Variants in GRID2 observed in about 807,000 individuals in gnomAD.
GRID2 encodes glutamate receptor ionotropic, delta-2.
A neutral mutation model predicts 114.8 loss-of-function variants in GRID2; 33 were observed. That is an observed-to-expected ratio of 0.29 (90% confidence interval 0.22 to 0.38). GRID2 has a LOEUF of 0.38. Among genes scored for constraint, GRID2 ranks in the 10% least tolerant of loss-of-function variants. GRID2 has a pLI of 1.00. For missense variants in GRID2, 1,184 were observed against 1,257.7 expected, an observed-to-expected ratio of 0.94 and a Z score of 0.89; for synonymous variants, 505 against 449.9, an observed-to-expected ratio of 1.12 and a Z score of -1.55.
At chr4:93,411,359 A>G (rs1347488920) in intron 9 of GRID2, among the ~76,000 whole-genome samples, 1 of 152,216 alleles carries the variant, frequency 6.6e-6, no homozygotes, top group Non-Finnish European at 1.5e-5. Context: ...ACATGTTTCA[A>G]ATTCAAAAAT....
chr4:93,411,462 T>G (rs956590494), intron 9 of GRID2, among the ~76,000 whole-genome samples: 2 of 151,618 alleles, frequency 1.3e-5, no homozygotes, highest in African/African-American at 4.9e-5. Context: ...AGTCTTACTC[T>G]ATCACTCTGT....
At chr4:93,703,041 A>G (rs191033973) in intron 14 of GRID2, among the ~76,000 whole-genome samples, 15 of 152,184 alleles carry the variant, frequency 9.9e-5, no homozygotes, top group Non-Finnish European at 1.6e-4. Flanking sequence ...ATACATTTTC[A>G]CTCTTACTTG....
intron 8 of GRID2, among the ~76,000 whole-genome samples, chr4:93,294,785 C>T (rs187817485): frequency 1.0e-3 from 159 of 152,250 alleles, no homozygotes; most frequent in African/African-American, 3.5e-3. Context: ...GTCTCGAACT[C>T]CTGACCTCAG....
At chr4:92,488,615 A>G (rs763288734) in intron 1 of GRID2, among the ~76,000 whole-genome samples, 7 of 152,194 alleles carry the variant, frequency 4.6e-5, no homozygotes, top group Non-Finnish European at 8.8e-5. Context: ...GTCAAAATGT[A>G]ACCAAAAACC....
At chr4:92,317,777 G>T (rs960612950) in intron 1 of GRID2, among the ~76,000 whole-genome samples, 6 of 152,026 alleles carry the variant, frequency 3.9e-5, no homozygotes, top group Non-Finnish European at 7.4e-5. Context: ...AAGCTTTTGG[G>T]CCACCAAAGA....
intron 6 of GRID2, among the ~76,000 whole-genome samples, chr4:93,224,133 C>T (rs530815346): frequency 1.6e-4 from 25 of 152,222 alleles, no homozygotes; most frequent in African/African-American, 4.6e-4. Context: ...CAAAAATACA[C>T]ACAGTAGACT....
intron 2 of GRID2, among the ~76,000 whole-genome samples, chr4:93,067,333 A>T (rs1481215730): frequency 6.6e-6 from 1 of 152,068 alleles, no homozygotes; most frequent in Non-Finnish European, 1.5e-5. Context: ...TGTGTAATTT[A>T]TAAACAAAAG....
chr4:93,288,429 C>T (rs1031789255), intron 8 of GRID2, among the ~76,000 whole-genome samples: 1 of 152,114 alleles, frequency 6.6e-6, no homozygotes, highest in Non-Finnish European at 1.5e-5. Context: ...ATATGCACTT[C>T]CTGGGGCATT....
At chr4:93,100,052 T>G (rs1462867785) in intron 3 of GRID2, among the ~76,000 whole-genome samples, 1 of 151,964 alleles carries the variant, frequency 6.6e-6, no homozygotes, top group Non-Finnish European at 1.5e-5. Flanking sequence ...TTTACTTCCA[T>G]GTGCATCAAT....
At chr4:93,440,018 G>C (rs116777499) in intron 10 of GRID2, among the ~76,000 whole-genome samples, 1 of 151,982 alleles carries the variant, frequency 6.6e-6, no homozygotes, top group Non-Finnish European at 1.5e-5. Flanking sequence ...AGCTGGCAAG[G>C]ACAAAGACCA....
At chr4:93,631,772 A>T (rs1214130425) in intron 14 of GRID2, among the ~76,000 whole-genome samples, 2 of 152,178 alleles carry the variant, frequency 1.3e-5, no homozygotes, top group Non-Finnish European at 2.9e-5. Context: ...CTAGTTCTAG[A>T]TCCCTGAGGA....
chr4:92,942,774 A>G (rs1375667325), intron 2 of GRID2, among the ~76,000 whole-genome samples: 4 of 152,136 alleles, frequency 2.6e-5, no homozygotes, highest in Non-Finnish European at 5.9e-5. Context: ...GGTGTTGACA[A>G]AATCTCTCAG....
Position 92,959,218 on chromosome 4 carries a change from T to A in GRID2, c.245-125777T>A, listed in dbSNP as rs138792113. ...CTACTCTGGTTTTTAGTACTACTAT[T>A]ATTACTTCCAGTTACTTTTTATTTA... On this transcript the variant is annotated intron_variant, in intron 2 of 15. Transcript: ENST00000282020. Among the ~76,000 whole-genome samples, 248 of 151,892 alleles carry A rather than the reference T, an allele frequency of 1.6e-3. 1 individual carries two copies. The highest frequency in any genetic ancestry group is 5.7e-3 in the African/African-American group (237 of 41,498).
At chr4:93,196,838 CAG>C (rs777252025) in intron 4 of GRID2, among the ~76,000 whole-genome samples, 9 of 152,110 alleles carry the variant, frequency 5.9e-5, no homozygotes, top group Non-Finnish European at 1.2e-4. Context: ...AGAACAGTAA[CAG>C]ATAACTGTTT....
chr4:92,697,189 C>A (rs911903609), intron 2 of GRID2, among the ~76,000 whole-genome samples: 4 of 152,130 alleles, frequency 2.6e-5, no homozygotes, highest in Non-Finnish European at 4.4e-5. Context: ...ATCCTGGCTG[C>A]TTATATCTTG....
intron 2 of GRID2, among the ~76,000 whole-genome samples, chr4:92,820,109 T>A (rs1425874195): frequency 3.3e-5 from 5 of 152,148 alleles, no homozygotes; most frequent in Non-Finnish European, 7.4e-5. Context: ...CACATTCACT[T>A]CTCATTTGGT....
intron 8 of GRID2, among the ~76,000 whole-genome samples, chr4:93,259,141 C>T (rs2149545724): frequency 6.6e-6 from 1 of 151,772 alleles, no homozygotes; most frequent in South Asian, 2.1e-4. Flanking sequence ...TCAATTAATC[C>T]TGTGTGAATA....
In GRID2 at chr4:92,466,682, A is replaced by G. The variant is rs538514511; in HGVS notation, c.89-123449A>G. Among the ~76,000 whole-genome samples, 203 of 151,880 alleles carry G rather than the reference A, an allele frequency of 1.3e-3. 1 individual carries two copies. Among genetic ancestry groups the G allele is most frequent in the South Asian group, 7.0e-3 (34 of 4,826 alleles). ...GTTTAGCTTTTATAATTCATTCTCC[A>G]TTCTCTATATTGTACTTACCTATGA... On this transcript the variant is annotated intron_variant, in intron 1 of 15. Transcript: ENST00000282020.
rs114210101 is a variant in GRID2 at position 93,494,025 on chromosome 4, C to T, written c.1997+3248C>T. On this transcript the variant is annotated intron_variant, in intron 12 of 15. Transcript: ENST00000282020. ...TTAAAGATATCTTCTAATTTCATGC[C>T]TCAACAGTGTTGGTAAACATAATTG... Among the ~76,000 whole-genome samples the T allele has an allele frequency of 6.6e-3, 1,002 of 151,892 alleles. 7 individuals carry two copies. The highest frequency in any genetic ancestry group is 0.011 in the Non-Finnish European group (753 of 67,850).
Sources: gnomAD v4.1 joint callset for allele counts (sites outside exome capture counted in the v4.1 genomes callset) on GRCh38, gnomAD v4.1.1 for gene constraint, MANE v1.5 for transcripts, NCBI Gene and HGNC (gene_info 2026-07-23, HGNC 2026-07-21) for gene names.